PRELID2: variants seen among roughly 807,000 people sequenced by gnomAD.
PRELID2 encodes PRELI domain containing 2, also known as PRELI domain-containing protein 2.
In PRELID2, 25 loss-of-function variants were observed where a neutral mutation model predicts 28.4. The observed-to-expected ratio is 0.88, with a 90% CI of 0.64 to 1.23. The LOEUF is 1.23. Among genes scored for constraint, PRELID2 ranks in the 50% most tolerant of loss-of-function variants. The pLI is 0.00. For missense variants in PRELID2, 201 were observed against 214.4 expected, an observed-to-expected ratio of 0.94 and a Z score of 0.39; for synonymous variants, 76 against 71.6, an observed-to-expected ratio of 1.06 and a Z score of -0.31.
At position 145,573,032 on chromosome 5, in the gene PRELID2, T is replaced by C. The variant is rs1753028312; in HGVS notation, n.71-99717A>G. Among the ~76,000 whole-genome samples the C allele has an allele frequency of 2.0e-5, 3 of 152,122 alleles. No individual in the cohort carries two copies. In the South Asian group the frequency reaches 6.2e-4, roughly 32 times the overall value. Reference sequence around the variant, plus strand: ...ACATAGCCCAACAAGCTACCCTCCCTTAGGCAATAGGATATAGAGGGAGTA... The same window carrying C: ...ACATAGCCCAACAAGCTACCCTCCCCTAGGCAATAGGATATAGAGGGAGTA... On this transcript the variant is annotated intron_variant and non_coding_transcript_variant, in intron 1 of 2. Coordinates refer to the PRELID2 transcript ENST00000510259.
At chr5:145,442,565 A>G in the PRELID2 span, among the ~76,000 whole-genome samples, 1 of 152,050 alleles carries the variant, frequency 6.6e-6, no homozygotes, top group African/African-American at 2.4e-5. Context: ...CCAACAGTGC[A>G]CTGGATATAC....
the PRELID2 span, among the ~76,000 whole-genome samples, chr5:145,348,674 T>A: frequency 6.6e-6 from 1 of 152,034 alleles, no homozygotes; most frequent in African/African-American, 2.4e-5. Flanking sequence ...ATTCTACATA[T>A]TTTATCTTTG....
intron 1 of PRELID2, among the ~76,000 whole-genome samples, chr5:145,669,499 G>C (rs1009874314): frequency 6.6e-6 from 1 of 152,098 alleles, no homozygotes; most frequent in Non-Finnish European, 1.5e-5. Flanking sequence ...ACATAGATCC[G>C]ACTGTGTTAG....
intron 5 of PRELID2, among the ~76,000 whole-genome samples, chr5:145,791,225 C>T (rs1315401969): frequency 2.6e-5 from 4 of 152,018 alleles, no homozygotes; most frequent in East Asian, 3.9e-4. Context: ...ACCAAGAGAA[C>T]AGGATGGAGG....
intron 1 of PRELID2, among the ~76,000 whole-genome samples, chr5:145,742,124 TTA>T (rs2149741646): frequency 1.9e-4 from 1 of 5,394 alleles, no homozygotes; most frequent in African/African-American, 3.1e-4. Flanking sequence ...ATAAAATTTA[TTA>T]ATTATAAATA....
intron 1 of PRELID2, 71 bp downstream of exon 1, chr5:145,835,106 G>A (rs977520062): frequency 1.2e-5 from 13 of 1,080,900 alleles, no homozygotes; most frequent in Non-Finnish European, 2.7e-6. Flanking sequence ...CTTCCGCGTG[G>A]ATGAAGGAGA....
the PRELID2 span, among the ~76,000 whole-genome samples, chr5:145,275,462 A>T: frequency 1.3e-5 from 2 of 152,226 alleles, no homozygotes; most frequent in South Asian, 4.1e-4. Context: ...CTGGAGGAAG[A>T]AAAGGACACG....
At chr5:145,795,536 T>C (rs1752680479) in intron 5 of PRELID2, 1 of 152,090 alleles carries the variant, frequency 6.6e-6, no homozygotes, top group Non-Finnish European at 1.5e-5. Context: ...CAAGGGTCCA[T>C]TGCCAGGAAG....
the PRELID2 span, among the ~76,000 whole-genome samples, chr5:145,406,651 C>T: frequency 6.6e-6 from 1 of 152,138 alleles, no homozygotes. Flanking sequence ...GCTCCAAGAA[C>T]CACTGCAAGA....
chr5:145,304,072 A>T, the PRELID2 span, among the ~76,000 whole-genome samples: 1 of 152,202 alleles, frequency 6.6e-6, no homozygotes, highest in African/African-American at 2.4e-5. Context: ...TTCATTATTT[A>T]CTTTTTATGA....
At chr5:145,596,657 G>T (rs1338983385) in intron 1 of PRELID2, among the ~76,000 whole-genome samples, 4 of 152,010 alleles carry the variant, frequency 2.6e-5, no homozygotes, top group Non-Finnish European at 5.9e-5. Context: ...AACAAACACT[G>T]TGATTTATTC....
chr5:145,489,037 G>C (rs1384251465), intron 1 of PRELID2, among the ~76,000 whole-genome samples: 2 of 152,042 alleles, frequency 1.3e-5, no homozygotes, highest in African/African-American at 4.8e-5. Context: ...AAAATAAAGA[G>C]GAAAAGAGAG....
At chr5:145,723,653 T>C (rs768667277) in intron 1 of PRELID2, among the ~76,000 whole-genome samples, 9 of 152,196 alleles carry the variant, frequency 5.9e-5, no homozygotes, top group African/African-American at 1.9e-4. Flanking sequence ...TGAGATACCA[T>C]TTCTCTTCTA....
intron 1 of PRELID2, among the ~76,000 whole-genome samples, chr5:145,537,440 A>G (rs1390163635): frequency 1.3e-5 from 2 of 151,908 alleles, no homozygotes; most frequent in African/African-American, 2.4e-5. Context: ...CCCACTAAAC[A>G]GTATGTAAGT....
chr5:145,248,519 G>T, the PRELID2 span, among the ~76,000 whole-genome samples: 1 of 152,206 alleles, frequency 6.6e-6, no homozygotes, highest in African/African-American at 2.4e-5. Context: ...AGTTGGCCAG[G>T]TGCAGTGGCT....
rs534106149 is a variant in PRELID2 at position 145,705,133 on chromosome 5, T to G, written n.70+59798A>C. On this transcript the variant is annotated intron_variant and non_coding_transcript_variant, in intron 1 of 2. Transcript: ENST00000510259. The stretch of plus-strand genomic sequence containing the variant: ...GAGAATTAAATAAAATAACGATGCT[T>G]TACAAATGGAAAGCACTCTAACAAC... Among the ~76,000 whole-genome samples the G allele has an allele frequency of 6.6e-5, 10 of 152,222 alleles. No homozygotes were observed. The South Asian group carries it at 2.1e-3, about 32-fold the overall frequency.
At chr5:145,486,205 T>A (rs568469716) in intron 1 of PRELID2, among the ~76,000 whole-genome samples, 11 of 152,290 alleles carry the variant, frequency 7.2e-5, no homozygotes, top group African/African-American at 2.6e-4. Flanking sequence ...AAATTAGATG[T>A]TCATTCTGCT....
chr5:145,798,889 G>C (rs1480349490), intron 4 of PRELID2, among the ~76,000 whole-genome samples: 1 of 152,078 alleles, frequency 6.6e-6, no homozygotes, highest in Admixed American at 6.6e-5. Flanking sequence ...GGGGGCCTAG[G>C]GGAGGGATAG....
At chr5:145,832,763 CATACA>C (rs1355495628) in intron 1 of PRELID2, among the ~76,000 whole-genome samples, 3 of 151,982 alleles carry the variant, frequency 2.0e-5, no homozygotes, top group African/African-American at 7.3e-5. Flanking sequence ...CATGAGCGCA[CATACA>C]CACACCACAC....
Sources: allele counts gnomAD v4.1 joint callset (sites outside exome capture counted in the v4.1 genomes callset), GRCh38; gene constraint gnomAD v4.1.1; transcripts MANE v1.5; gene names NCBI Gene and HGNC (gene_info 2026-07-23, HGNC 2026-07-21).